LRGUK: variants seen among roughly 807,000 people sequenced by gnomAD.
LRGUK encodes leucine-rich repeat and guanylate kinase domain-containing protein.
Under a neutral mutation model 76.0 loss-of-function variants are expected in LRGUK, and 65 were observed. The observed-to-expected ratio is 0.85, with a 90% CI of 0.70 to 1.05. LRGUK has a LOEUF of 1.05. LRGUK is among the 50% of genes least tolerant of loss of function. The probability of loss-of-function intolerance (pLI) is 0.00; values close to 1 mark genes in which losing one functional copy is unlikely to be tolerated. For synonymous variants in LRGUK, 268 were observed against 265.6 expected (o/e 1.01, Z -0.09); for missense variants, 758 against 732.8 (o/e 1.03, Z -0.40).
At chr7:134,238,372 G>A (rs1802061485) in intron 16 of LRGUK, among the ~76,000 whole-genome samples, 1 of 152,060 alleles carries the variant, frequency 6.6e-6, no homozygotes. Context: ...TCTGTATGTT[G>A]AGTCTTCTTT....
intron 10 of LRGUK, among the ~76,000 whole-genome samples, chr7:134,181,374 T>G (rs1198667590): frequency 6.6e-6 from 1 of 152,164 alleles, no homozygotes; most frequent in Non-Finnish European, 1.5e-5. Context: ...TTAATTTTCT[T>G]TCCCTTATAT....
chr7:134,264,178 T>C (rs971864027), exon 20 of LRGUK: 6 of 428,392 alleles, frequency 1.4e-5, no homozygotes, highest in Non-Finnish European at 2.3e-5. Context: ...AAAAATTGTT[T>C]CTTAAATGAT....
chr7:134,165,025 CA>C (rs2116940481), intron 7 of LRGUK, among the ~76,000 whole-genome samples: 1 of 152,236 alleles, frequency 6.6e-6, no homozygotes, highest in South Asian at 2.1e-4. Flanking sequence ...GACTGATTTT[CA>C]GAAAATTTCT....
chr7:134,267,485 C>T (rs762233297), downstream of LRGUK, among the ~76,000 whole-genome samples: 16 of 152,286 alleles, frequency 1.1e-4, no homozygotes, highest in Non-Finnish European at 2.1e-4. Flanking sequence ...TCCCATAATT[C>T]CCACGTGTTG....
chr7:134,273,375 G>T, the LRGUK span, among the ~76,000 whole-genome samples: 1 of 152,130 alleles, frequency 6.6e-6, no homozygotes, highest in Non-Finnish European at 1.5e-5. Flanking sequence ...GGTCCCTGAG[G>T]TTATGCCTCT....
chr7:134,146,397 G>A (rs549336776), intron 4 of LRGUK, among the ~76,000 whole-genome samples: 45 of 152,282 alleles, frequency 3.0e-4, no homozygotes, highest in African/African-American at 1.0e-3. Context: ...TGATGAAAAA[G>A]TGTCAATAAT....
At chr7:134,158,567 C>T (rs576113084) in intron 6 of LRGUK, among the ~76,000 whole-genome samples, 1 of 152,072 alleles carries the variant, frequency 6.6e-6, no homozygotes, top group Non-Finnish European at 1.5e-5. Context: ...TCAAATGAAC[C>T]ACAAGATGTT....
intron 1 of LRGUK, among the ~76,000 whole-genome samples, chr7:134,134,488 T>C (rs948606121): frequency 2.6e-5 from 4 of 152,158 alleles, no homozygotes; most frequent in African/African-American, 9.7e-5. Context: ...TACTGCCAAA[T>C]GTCAGGAACA....
chr7:134,127,506 G>T, exon 1 of LRGUK: 1 of 1,614,124 alleles, frequency 6.2e-7, no homozygotes, highest in Non-Finnish European at 8.5e-7. Context: ...TTTTCCCATG[G>T]GGCAGAAGAC....
the LRGUK span, among the ~76,000 whole-genome samples, chr7:134,275,176 A>G: frequency 6.6e-6 from 1 of 152,134 alleles, no homozygotes; most frequent in Non-Finnish European, 1.5e-5. Context: ...GTTTAATTAG[A>G]AATTACAGAC....
chr7:134,154,584 A>G (rs1798381456), intron 5 of LRGUK, among the ~76,000 whole-genome samples: 3 of 152,224 alleles, frequency 2.0e-5, no homozygotes, highest in South Asian at 4.1e-4. Flanking sequence ...AAATTCCTTG[A>G]TATTTGAAGG....
At chr7:134,224,919 G>A (rs1018378403) in intron 16 of LRGUK, among the ~76,000 whole-genome samples, 3 of 151,882 alleles carry the variant, frequency 2.0e-5, no homozygotes, top group African/African-American at 7.3e-5. Context: ...GGGTGTAGTG[G>A]CTCGCGCTTG....
chr7:134,158,267 C>A, intron 6 of LRGUK, 108 bp downstream of exon 6: 1 of 1,001,340 alleles, frequency 1.0e-6, no homozygotes, highest in Non-Finnish European at 1.4e-6. Flanking sequence ...AAAATTCCTT[C>A]ATGAAATGTT....
downstream of LRGUK, among the ~76,000 whole-genome samples, chr7:134,269,340 G>A (rs1418922610): frequency 1.4e-5 from 2 of 143,332 alleles, no homozygotes; most frequent in African/African-American, 5.3e-5. Context: ...TACTCTATAT[G>A]ATTTCAATTC....
At chr7:134,183,628 T>G in intron 10 of LRGUK, 106 bp from the exon 11 acceptor site, 2 of 1,252,340 alleles carry the variant, frequency 1.6e-6, no homozygotes, top group Non-Finnish European at 2.3e-6. Flanking sequence ...CAGGGTCTTA[T>G]ATAGCAAGTG....
In LRGUK at chr7:134,171,365, T is replaced by C. The variant is rs146191595; in HGVS notation, c.940-3191T>C. On this transcript the variant is annotated intron_variant, in intron 7 of 15. Coordinates refer to ENST00000645682, the Ensembl canonical transcript of LRGUK. Reference sequence around the variant, plus strand: ...GCAGCGAAAAAAATTTTAATGGTTGTACCCAATTGTTTTCTAAGACGACAA... The same window carrying C: ...GCAGCGAAAAAAATTTTAATGGTTGCACCCAATTGTTTTCTAAGACGACAA... Among the ~76,000 whole-genome samples, 48 of 152,020 alleles carry C rather than the reference T, an allele frequency of 3.2e-4. No individual in the cohort carries two copies. In the East Asian group the frequency reaches 8.5e-3, roughly 27 times the overall value.
At chr7:134,261,264 C>G (rs1802719347) in intron 19 of LRGUK, among the ~76,000 whole-genome samples, 1 of 151,584 alleles carries the variant, frequency 6.6e-6, no homozygotes, top group Non-Finnish European at 1.5e-5. Context: ...CAAACTAGGT[C>G]TCCATCATCC....
At chr7:134,188,463 T>A (rs1365546514) in intron 11 of LRGUK, among the ~76,000 whole-genome samples, 8 of 152,020 alleles carry the variant, frequency 5.3e-5, no homozygotes, top group Non-Finnish European at 8.8e-5. Context: ...GGGAAAGGGC[T>A]TAGGGAAGGA....
chr7:134,258,150 G>C lies in LRGUK; in HGVS notation c.2199-107G>C, dbSNP rs2117225089. ...ACACAAGACATGTCCACTAACTACT[G>C]TGAACTTGATAAAGGTAACCCAGTG... On this transcript the variant is annotated intron_variant, in intron 18 of 19. Transcript: ENST00000285928. 2.2e-6 allele frequency: 3 copies of C among 1,386,924 alleles called. No individual in the cohort carries two copies. In the East Asian group the frequency reaches 6.9e-5, roughly 32 times the overall value. 85.9% of individuals were successfully genotyped at this position (1,386,924 alleles called of 1,614,324 possible). A position where few individuals can be genotyped will look rare whatever the true frequency, so the allele number is the denominator to read the frequency against.
Sources: gnomAD v4.1 joint callset for allele counts (sites outside exome capture counted in the v4.1 genomes callset) on GRCh38, gnomAD v4.1.1 for gene constraint, MANE v1.5 for transcripts, NCBI Gene and HGNC (gene_info 2026-07-23, HGNC 2026-07-21) for gene names.